CASZ1: variants seen among roughly 807,000 people sequenced by gnomAD.
CASZ1 encodes the protein zinc finger protein castor homolog 1.
A neutral mutation model predicts 135.2 loss-of-function variants in CASZ1; 28 were observed. The observed-to-expected ratio is 0.21, with a 90% CI of 0.15 to 0.28. CASZ1 has a LOEUF of 0.28. Ranked by LOEUF, CASZ1 falls within the 10% of genes least tolerant of loss-of-function variation. CASZ1 has a pLI of 1.00. For synonymous variants in CASZ1, 1,068 were observed against 1,073.4 expected, an observed-to-expected ratio of 0.99 and a Z score of 0.10; for missense variants, 2,161 against 2,453.3, an observed-to-expected ratio of 0.88 and a Z score of 2.52.
chr1:10,653,169 C>A (rs1286946217), intron 11 of CASZ1: 2 of 639,372 alleles, frequency 3.1e-6, no homozygotes, highest in Middle Eastern at 2.5e-4. Flanking sequence ...GAAGCATGGC[C>A]CCCCTACTGT....
intron 4 of CASZ1, among the ~76,000 whole-genome samples, chr1:10,686,796 G>T (rs924665354): frequency 6.6e-6 from 1 of 152,212 alleles, no homozygotes; most frequent in Non-Finnish European, 1.5e-5. Flanking sequence ...TGGGGGTGGG[G>T]ACGCTAGGCT....
chr1:10,697,241 G>GC lies in CASZ1; in HGVS notation c.-23-3330dup, dbSNP rs34408884. Among the ~76,000 whole-genome samples the GC allele has an allele frequency of 0.2, 29,706 of 151,170 alleles. 3,316 individuals carry two copies. Among genetic ancestry groups the GC allele is most frequent in the Middle Eastern group, 0.29 (84 of 294 alleles). On this transcript the variant is annotated intron_variant, in intron 3 of 20. Coordinates refer to ENST00000377022, the MANE Select transcript of CASZ1 (RefSeq NM_001079843.3). This position sits in a 1 kb window ranked among gnomAD's most constrained non-coding sequence, Gnocchi z 4.7. The stretch of plus-strand genomic sequence containing the variant: ...TCATGGAGGGGCCCCCAGATTATGC[G>GC]CCCCCCCCTTCTCTCTCTTTCTCTC...
chr1:10,674,657 C>T (rs945137191), intron 4 of CASZ1, among the ~76,000 whole-genome samples: 11 of 152,236 alleles, frequency 7.2e-5, no homozygotes, highest in Admixed American at 2.0e-4. Context: ...TGATGCTCCA[C>T]GGTGACTGTG....
Position 10,660,228 on chromosome 1 carries a change from T to C in CASZ1, c.814A>G (p.Thr272Ala), listed in dbSNP as rs568064301. The C allele has an allele frequency of 1.2e-6, 2 of 1,612,964 alleles. No individual in the cohort carries two copies. Among genetic ancestry groups the C allele is most frequent in the Non-Finnish European group, 1.7e-6 (2 of 1,179,764 alleles). ...EERVGKEVVG[T>A]LPGLRLPSST... ...CTGGGCAGCCGCAGGCCGGGCAGGG[T>C]GCCCACCACCTCCTTGCCCACCCGC... The change falls in exon 6 of 21, where the codon ACC (threonine) becomes GCC (alanine). Residue 272 changes from threonine to alanine, a missense_variant. Physicochemically the swap from Thr to Ala is moderately conservative, Grantham distance 58. Transcript: ENST00000377022.
rs1266137068 is a variant in CASZ1, at chr1:10,741,489, G to A, written c.-77+19212C>T. On this transcript the variant is annotated intron_variant, in intron 2 of 20. Coordinates refer to ENST00000377022, the MANE Select transcript of CASZ1 (RefSeq NM_001079843.3). The surrounding 1 kb of genome is among the most constrained non-coding windows in gnomAD (Gnocchi z 5.0). ...AGCTCTCCAGTAAAGATGAGCATGGGCAGGGCTGGCGTGATGAGGCTGGTC... is the reference window on the plus strand; with the variant it reads ...AGCTCTCCAGTAAAGATGAGCATGGACAGGGCTGGCGTGATGAGGCTGGTC... Among the ~76,000 whole-genome samples the A allele has an allele frequency of 6.6e-6, 1 of 152,128 alleles. No homozygotes were observed. Among genetic ancestry groups the A allele is most frequent in the East Asian group, 1.9e-4 (1 of 5,198 alleles).
rs151040190 is a variant in CASZ1, at chr1:10,660,079, G to C, written c.963C>G (p.Thr321=). The change falls in exon 6 of 21, where the codon ACC becomes ACG. Residue 321 remains threonine, a synonymous_variant. Coordinates refer to ENST00000377022, the MANE Select transcript of CASZ1 (RefSeq NM_001079843.3). ...CGTTCTGGGGCCGCAGATTCTCGCC[G>C]GTCTTCAGTTTTTGGATGAAGAAGT... ...KYDFFIQKLK[T]GENLRPQNGS... 4 of 1,614,154 alleles carry C rather than the reference G, an allele frequency of 2.5e-6. No homozygotes were observed. Among genetic ancestry groups the C allele is most frequent in the Admixed American group, 1.7e-5 (1 of 60,020 alleles).
chr1:10,775,812 T>C (rs1231058881), intron 1 of CASZ1, among the ~76,000 whole-genome samples: 1 of 152,188 alleles, frequency 6.6e-6, no homozygotes, highest in African/African-American at 2.4e-5. Context: ...TGGCCACGTG[T>C]GTCTCTCTGC....
chr1:10,781,352 G>A (rs1305809998), intron 1 of CASZ1, among the ~76,000 whole-genome samples: 1 of 152,236 alleles, frequency 6.6e-6, no homozygotes, highest in Non-Finnish European at 1.5e-5. Flanking sequence ...AAGGCCACCT[G>A]CTCCTGGGGA....
chr1:10,756,558 A>G lies in CASZ1; in HGVS notation c.-77+4143T>C, dbSNP rs539005901. On this transcript the variant is annotated intron_variant, in intron 2 of 20. Coordinates refer to ENST00000377022, the MANE Select transcript of CASZ1 (RefSeq NM_001079843.3). This position sits in a 1 kb window ranked among gnomAD's most constrained non-coding sequence, Gnocchi z 5.9. ...TGGGGCCTGTCCAGGGGCGCTGGGG[A>G]TCACTGCTATCACAGCATCGATGCT... 1.3e-5 allele frequency among the ~76,000 whole-genome samples: 2 copies of G among 152,194 alleles called. No individual in the cohort carries two copies. The highest frequency in any genetic ancestry group is 4.8e-5 in the African/African-American group (2 of 41,452).
chr1:10,642,935 G>A lies in CASZ1; in HGVS notation c.4086C>T (p.Gly1362=), dbSNP rs183558878. The A allele has an allele frequency of 4.2e-4, 670 of 1,613,018 alleles. 2 individuals are homozygous for A. The African/African-American group carries it at 7.9e-3, about 19-fold the overall frequency. The change falls in exon 20 of 21, where the codon GGC becomes GGT. Residue 1362 remains glycine (G), a synonymous_variant. Coordinates refer to ENST00000377022, the MANE Select transcript of CASZ1 (RefSeq NM_001079843.3). ...TGGTGGATGACTCAGAGGACATGGC[G>A]CCTGGGCTGCAGCCAGTGTAGTCCA... ...ECMDYTGCSP[G]AMSSESSTMD...
At chr1:10,685,334 CA>C (rs1294011675) in intron 4 of CASZ1, among the ~76,000 whole-genome samples, 1 of 152,222 alleles carries the variant, frequency 6.6e-6, no homozygotes, top group Non-Finnish European at 1.5e-5. Flanking sequence ...TTTCCAGTGC[CA>C]CCTGCCCCAT....
At chr1:10,722,755 C>T (rs1639524159) in intron 2 of CASZ1, among the ~76,000 whole-genome samples, 1 of 152,260 alleles carries the variant, frequency 6.6e-6, no homozygotes, top group Non-Finnish European at 1.5e-5. Context: ...TTTCAAACAT[C>T]CCTGTCTCCT....
At chr1:10,648,605 G>A (rs1022697762) in intron 15 of CASZ1, 13 of 193,908 alleles carry the variant, frequency 6.7e-5, no homozygotes, top group Non-Finnish European at 1.1e-4. Flanking sequence ...ATAAGTGGGC[G>A]GCTAGGCTCG....
At chr1:10,761,569 T>C (rs973155490) in intron 1 of CASZ1, among the ~76,000 whole-genome samples, 1 of 152,046 alleles carries the variant, frequency 6.6e-6, no homozygotes. Flanking sequence ...CCAAAGAAAG[T>C]TGGTGCCCTG....
At chr1:10,716,632 G>A (rs571815438) in intron 2 of CASZ1, among the ~76,000 whole-genome samples, 49 of 152,326 alleles carry the variant, frequency 3.2e-4, no homozygotes, top group African/African-American at 1.1e-3. Flanking sequence ...AGGAAGAACA[G>A]GCGGAAGTGG....
chr1:10,756,091 C>T lies in CASZ1; in HGVS notation c.-77+4610G>A, dbSNP rs930885748. ...CCAGTGTTCTGAGGCCTGGCAGACA[C>T]GCCCAGGAAGACTGGCTGACACGCC... On this transcript the variant is annotated intron_variant, in intron 2 of 20. Transcript: ENST00000377022. The surrounding 1 kb of genome is among the most constrained non-coding windows in gnomAD (Gnocchi z 5.9). Among the ~76,000 whole-genome samples the T allele has an allele frequency of 9.2e-5, 14 of 152,238 alleles. No individual in the cohort carries two copies. Among genetic ancestry groups the T allele is most frequent in the South Asian group, 4.2e-4 (2 of 4,812 alleles).
intron 20 of CASZ1, 109 bp from the exon 21 acceptor site, chr1:10,640,168 T>G (rs1418835680): frequency 6.8e-7 from 1 of 1,477,334 alleles, no homozygotes; most frequent in Non-Finnish European, 9.0e-7. Context: ...GAGGGCGGCA[T>G]TTAGGGAGCC....
At chr1:10,716,850 C>T (rs1639403590) in intron 2 of CASZ1, among the ~76,000 whole-genome samples, 1 of 152,258 alleles carries the variant, frequency 6.6e-6, no homozygotes, top group Non-Finnish European at 1.5e-5. Context: ...AAGCCTTCCC[C>T]TCTCCAGCTT....
intron 2 of CASZ1, among the ~76,000 whole-genome samples, chr1:10,712,094 C>G (rs1245468401): frequency 6.6e-6 from 1 of 152,096 alleles, no homozygotes; most frequent in Non-Finnish European, 1.5e-5. Flanking sequence ...GCCTGTAATC[C>G]CAGCACTTCG....
Sources: gnomAD v4.1 joint callset for allele counts (sites outside exome capture counted in the v4.1 genomes callset) on GRCh38, gnomAD v4.1.1 for gene constraint, Gnocchi (gnomAD v3.1) non-coding constraint, MANE v1.5 for transcripts, NCBI Gene and HGNC (gene_info 2026-07-23, HGNC 2026-07-21) for gene names.